The following SNTG1 variants were observed in gnomAD, a reference collection of about 807,000 sequenced individuals.
The protein encoded by SNTG1 is syntrophin gamma 1, also known as gamma-1-syntrophin.
SNTG1 carries 39 observed loss-of-function variants against 74.7 expected under a neutral mutation model. The observed-to-expected ratio is 0.52, with a 90% confidence interval of 0.40 to 0.68. The LOEUF is 0.68. SNTG1 is among the 30% of genes least tolerant of loss of function. The pLI is 0.00. For synonymous variants in SNTG1, 254 were observed against 217.1 expected, an observed-to-expected ratio of 1.17 and a Z score of -1.49; for missense variants, 685 against 609.5, an observed-to-expected ratio of 1.12 and a Z score of -1.30.
chr8:50,010,224 C>G (rs1037465534), intron 1 of SNTG1, among the ~76,000 whole-genome samples: 7 of 152,066 alleles, frequency 4.6e-5, no homozygotes, highest in African/African-American at 1.7e-4. Flanking sequence ...TAATTGTGTT[C>G]AATTATACCA....
intron 17 of SNTG1, among the ~76,000 whole-genome samples, chr8:50,735,878 C>T (rs2095527260): frequency 1.3e-5 from 2 of 151,984 alleles, no homozygotes; most frequent in South Asian, 2.1e-4. Flanking sequence ...AGAGAAAGGT[C>T]GGGTTACCCA....
chr8:50,361,010 G>T (rs940774477), intron 2 of SNTG1, among the ~76,000 whole-genome samples: 1 of 152,028 alleles, frequency 6.6e-6, no homozygotes, highest in Admixed American at 6.6e-5. Flanking sequence ...TTAATGATTT[G>T]CTGTTTTTTA....
Position 50,389,782 on chromosome 8 carries a change from G to T in SNTG1, c.-27-4430G>T, listed in dbSNP as rs187791051. On this transcript the variant is annotated intron_variant, in intron 2 of 18. Transcript: ENST00000642720. ...CTTTTTAATGATCGCCATTCTAACT[G>T]GTTCAAGATGATATCTCATTGTGGT... is the stretch of plus-strand genomic sequence containing the variant. Among the ~76,000 whole-genome samples the T allele has an allele frequency of 2.1e-3, 320 of 152,296 alleles. 3 individuals are homozygous for T. The highest frequency in any genetic ancestry group is 0.01 in the Middle Eastern group (3 of 294).
chr8:50,456,605 C>G (rs143947433), intron 8 of SNTG1, among the ~76,000 whole-genome samples: 3 of 152,140 alleles, frequency 2.0e-5, no homozygotes, highest in Non-Finnish European at 2.9e-5. Flanking sequence ...TAATTCTGTT[C>G]ATGAGAGTGA....
chr8:50,086,997 G>A (rs1482386767), intron 1 of SNTG1, among the ~76,000 whole-genome samples: 1 of 152,132 alleles, frequency 6.6e-6, no homozygotes, highest in East Asian at 1.9e-4. Flanking sequence ...CTAAGGCAAG[G>A]TCATTGTTCT....
chr8:50,646,348 A>G (rs2095109108), intron 13 of SNTG1, among the ~76,000 whole-genome samples: 1 of 152,220 alleles, frequency 6.6e-6, no homozygotes, highest in African/African-American at 2.4e-5. Context: ...TTTTGAATTC[A>G]GTAGGTCTGG....
intron 4 of SNTG1, among the ~76,000 whole-genome samples, chr8:50,434,326 T>C (rs929927857): frequency 6.6e-6 from 1 of 152,204 alleles, no homozygotes; most frequent in African/African-American, 2.4e-5. Context: ...TCTTTGCTAT[T>C]GTGAATAGTG....
At chr8:50,712,942 T>C (rs2095465843) in intron 17 of SNTG1, among the ~76,000 whole-genome samples, 1 of 152,216 alleles carries the variant, frequency 6.6e-6, no homozygotes, top group Admixed American at 6.5e-5. Flanking sequence ...TTTGCTATTG[T>C]AAATAGTGCT....
At chr8:49,965,172 C>T (rs1811031310) in intron 1 of SNTG1, among the ~76,000 whole-genome samples, 1 of 152,078 alleles carries the variant, frequency 6.6e-6, no homozygotes, top group South Asian at 2.1e-4. Flanking sequence ...GCCATTAATT[C>T]TGCTTATACC....
intron 15 of SNTG1, among the ~76,000 whole-genome samples, chr8:50,685,319 T>C (rs910665961): frequency 2.6e-5 from 4 of 152,198 alleles, no homozygotes; most frequent in Non-Finnish European, 5.9e-5. Context: ...CCATTTAAAC[T>C]ACCAGTCCTC....
chr8:49,934,502 A>T (rs1807883421), intron 1 of SNTG1, among the ~76,000 whole-genome samples: 1 of 152,202 alleles, frequency 6.6e-6, no homozygotes, highest in South Asian at 2.1e-4. Context: ...TGCAAGGTGA[A>T]AATGCTATGA....
chr8:50,646,032 C>A (rs566568815), intron 13 of SNTG1, among the ~76,000 whole-genome samples: 35 of 152,126 alleles, frequency 2.3e-4, no homozygotes, highest in Admixed American at 2.2e-3. Context: ...AAGAATATTT[C>A]CTGTTTTAAT....
At chr8:50,073,307 A>G (rs927906068) in intron 1 of SNTG1, among the ~76,000 whole-genome samples, 28 of 152,192 alleles carry the variant, frequency 1.8e-4, no homozygotes, top group Admixed American at 1.2e-3. Context: ...TTGCTCATCC[A>G]TAAGAAGCAA....
intron 4 of SNTG1, among the ~76,000 whole-genome samples, chr8:50,403,526 C>A (rs1301859610): frequency 6.6e-6 from 1 of 152,128 alleles, no homozygotes; most frequent in Non-Finnish European, 1.5e-5. Context: ...AAATATATCA[C>A]ACTGGTCCCA....
At chr8:50,564,130 T>TA (rs759100369) in intron 12 of SNTG1, among the ~76,000 whole-genome samples, 60 of 147,174 alleles carry the variant, frequency 4.1e-4, no homozygotes, top group African/African-American at 1.3e-3. Context: ...TTTTTTTTTT[T>TA]AAAATAGAAA....
intron 9 of SNTG1, among the ~76,000 whole-genome samples, chr8:50,519,256 C>G (rs575906825): frequency 1.3e-5 from 2 of 152,264 alleles, no homozygotes; most frequent in South Asian, 2.1e-4. Flanking sequence ...ACTCAACACC[C>G]TTTTATGCAA....
At chr8:49,951,873 C>CAA (rs5891338) in intron 1 of SNTG1, among the ~76,000 whole-genome samples, 597 of 56,294 alleles carry the variant, frequency 0.011, 25 homozygotes, top group African/African-American at 0.015. Context: ...GGAAAATTCA[C>CAA]AAAAAAAAAA....
intron 1 of SNTG1, among the ~76,000 whole-genome samples, chr8:50,117,292 T>C (rs1251760050): frequency 2.0e-5 from 3 of 152,018 alleles, no homozygotes; most frequent in African/African-American, 7.2e-5. Context: ...ACAGATGTAA[T>C]TTACTATAAT....
intron 13 of SNTG1, among the ~76,000 whole-genome samples, chr8:50,630,747 G>A (rs973436583): frequency 1.3e-5 from 2 of 152,168 alleles, no homozygotes; most frequent in African/African-American, 2.4e-5. Flanking sequence ...GAAGACAGAT[G>A]AAGAACAGTG....
Sources: allele counts gnomAD v4.1 joint callset (sites outside exome capture counted in the v4.1 genomes callset), GRCh38; gene constraint gnomAD v4.1.1; transcripts MANE v1.5; gene names NCBI Gene and HGNC (gene_info 2026-07-23, HGNC 2026-07-21).